PRRC2C: variants seen among roughly 807,000 people sequenced by gnomAD.
PRRC2C encodes the protein protein PRRC2C.
Under a neutral mutation model 317.2 loss-of-function variants are expected in PRRC2C, and 72 were observed. The ratio of observed to expected loss-of-function variants is 0.23; its 90% CI spans 0.19 to 0.28. The LOEUF (loss-of-function observed/expected upper bound fraction) is 0.28, where lower values mean the gene tolerates loss of function less well. Among genes scored for constraint, PRRC2C ranks in the 10% least tolerant of loss-of-function variants. The probability of loss-of-function intolerance (pLI) is 1.00; values close to 1 mark genes in which losing one functional copy is unlikely to be tolerated. For missense variants in PRRC2C, 3,074 were observed against 3,459.7 expected, an observed-to-expected ratio of 0.89 and a Z score of 2.80; for synonymous variants, 1,296 against 1,205.9, an observed-to-expected ratio of 1.07 and a Z score of -1.55.
chr1:171,521,927 TTAATA>T (rs1170691824), intron 6 of PRRC2C, among the ~76,000 whole-genome samples: 2 of 152,210 alleles, frequency 1.3e-5, no homozygotes, highest in Non-Finnish European at 2.9e-5. Flanking sequence ...TGTAATTTTA[TTAATA>T]TAATACAGAA....
At chr1:171,573,125 T>C (rs917491289) in intron 24 of PRRC2C, among the ~76,000 whole-genome samples, 2 of 152,240 alleles carry the variant, frequency 1.3e-5, no homozygotes, top group African/African-American at 4.8e-5. Flanking sequence ...GATTATACAT[T>C]GTTGGGCTTA....
At chr1:171,566,489 T>A in intron 21 of PRRC2C, 68 bp downstream of exon 21, 1 of 1,486,658 alleles carries the variant, frequency 6.7e-7, no homozygotes, top group Admixed American at 2.5e-5. Flanking sequence ...AATAATACTT[T>A]TAAAAGTGAA....
intron 16 of PRRC2C, among the ~76,000 whole-genome samples, chr1:171,545,204 A>T (rs1463331262): frequency 6.6e-6 from 1 of 152,232 alleles, no homozygotes; most frequent in Non-Finnish European, 1.5e-5. Flanking sequence ...TTATAATATG[A>T]TAGACAAATA....
At chr1:171,501,397 CTGGCATT>C (rs1382601818) in intron 1 of PRRC2C, among the ~76,000 whole-genome samples, 3 of 152,196 alleles carry the variant, frequency 2.0e-5, no homozygotes, top group Non-Finnish European at 4.4e-5. Context: ...TCCCAAAGTG[CTGGCATT>C]ACAGATGTGA....
At chr1:171,497,973 C>A (rs962588790) in intron 1 of PRRC2C, among the ~76,000 whole-genome samples, 1 of 130,184 alleles carries the variant, frequency 7.7e-6, no homozygotes, top group Non-Finnish European at 1.6e-5. Context: ...AGCCACCATA[C>A]CCAGCTAATT....
At chr1:171,500,490 C>G (rs1261817888) in intron 1 of PRRC2C, among the ~76,000 whole-genome samples, 1 of 152,116 alleles carries the variant, frequency 6.6e-6, no homozygotes. Context: ...CCCTGAACTT[C>G]TGCTGAGGCT....
chr1:171,583,508 C>T lies in PRRC2C; in HGVS notation c.7410-448C>T, dbSNP rs140487117. 4.2e-3 allele frequency among the ~76,000 whole-genome samples: 642 copies of T among 152,098 alleles called. 1 individual carries two copies. Among genetic ancestry groups the T allele is most frequent in the Middle Eastern group, 0.014 (4 of 294 alleles). On this transcript the variant is annotated intron_variant, in intron 28 of 34. Transcript: ENST00000647382. The stretch of plus-strand genomic sequence containing the variant: ...TAACAATGCCTTCTTCTGGAATACC[C>T]GCTAAAGGATCTACCTGAAGCTGTT...
chr1:171,520,261 C>G (rs1178412381), intron 6 of PRRC2C, among the ~76,000 whole-genome samples: 24 of 152,180 alleles, frequency 1.6e-4, no homozygotes, highest in Non-Finnish European at 1.5e-5. Context: ...CCGTGCCTGG[C>G]CATTAAACGT....
intron 5 of PRRC2C, 122 bp downstream of exon 5, chr1:171,515,981 T>C (rs1672277151): frequency 7.6e-6 from 8 of 1,052,784 alleles, no homozygotes; most frequent in Non-Finnish European, 1.0e-5. Context: ...CTTTGTACTA[T>C]AGTCACTTGC....
intron 18 of PRRC2C, among the ~76,000 whole-genome samples, chr1:171,554,387 A>G (rs1179763749): frequency 6.6e-6 from 1 of 152,166 alleles, no homozygotes; most frequent in African/African-American, 2.4e-5. Flanking sequence ...GGTCTCCTGA[A>G]TACAGCACAT....
intron 11 of PRRC2C, among the ~76,000 whole-genome samples, chr1:171,530,894 G>A (rs953062586): frequency 2.0e-5 from 3 of 152,134 alleles, no homozygotes; most frequent in African/African-American, 7.2e-5. Context: ...ACTTGTAGCT[G>A]TTTATCCAAC....
At chr1:171,580,230 G>A (rs1648205949) in intron 28 of PRRC2C, among the ~76,000 whole-genome samples, 1 of 152,214 alleles carries the variant, frequency 6.6e-6, no homozygotes, top group East Asian at 1.9e-4. Context: ...ATTATAGAAA[G>A]TAGCTGCTAA....
At chr1:171,523,075 T>C in intron 7 of PRRC2C, 146 bp from the exon 8 acceptor site, 1 of 684,370 alleles carries the variant, frequency 1.5e-6, no homozygotes, top group Non-Finnish European at 2.3e-6. Context: ...TATTAATTTT[T>C]TCATACACAT....
chr1:171,591,555 G>A (rs771436655), intron 34 of PRRC2C, 32 bp from the exon 35 acceptor site: 2 of 1,601,558 alleles, frequency 1.2e-6, no homozygotes, highest in South Asian at 1.1e-5. Context: ...TAATGCTGCA[G>A]TATTTTCAGT....
At chr1:171,508,238 C>T (rs535123015) in intron 1 of PRRC2C, among the ~76,000 whole-genome samples, 4 of 152,198 alleles carry the variant, frequency 2.6e-5, no homozygotes, top group African/African-American at 7.2e-5. Context: ...AGGAAAAAGC[C>T]TTCAGGTTTT....
rs540268099 is a variant in PRRC2C, at chr1:171,503,395, G to A, written c.-57-8637G>A. Among the ~76,000 whole-genome samples, 8 of 152,046 alleles carry A rather than the reference G, an allele frequency of 5.3e-5. No homozygotes were observed. The East Asian group carries it at 7.8e-4, about 15-fold the overall frequency. ...AAAAATTAGCTGGGCGTGGTGGCAC[G>A]TGCCTGTAGTCCCAGCTACTTGGGA... On this transcript the variant is annotated intron_variant, in intron 1 of 34. Coordinates refer to ENST00000647382, the MANE Select transcript of PRRC2C (RefSeq NM_001387844.1).
rs1196371790 is a variant in PRRC2C, at chr1:171,566,272, A to G, written c.6157A>G (p.Thr2053Ala). The G allele has an allele frequency of 6.2e-7, 1 of 1,611,774 alleles. No individual in the cohort carries two copies. Among genetic ancestry groups the G allele is most frequent in the Non-Finnish European group, 8.5e-7 (1 of 1,179,006 alleles). Residue 2053 changes from threonine to alanine, a missense_variant, in exon 21 of 35, where the codon ACT (threonine) becomes GCT (alanine). This residue lies in a region of PRRC2C where 640 missense variants were observed against 676.1 expected (regional missense o/e 0.95). Coordinates refer to ENST00000647382, the MANE Select transcript of PRRC2C (RefSeq NM_001387844.1). Reference protein sequence around the residue: ...NGQESGLEIGTDTIQFGAPAS... With the variant: ...NGQESGLEIGADTIQFGAPAS... ...TCAAGAAAGTGGACTCGAAATTGGA[A>G]CTGACACAATTCAGTTTGGTGCTCC...
chr1:171,511,454 C>G (rs1423247290), intron 1 of PRRC2C: 1 of 152,104 alleles, frequency 6.6e-6, no homozygotes, highest in Non-Finnish European at 1.5e-5. Flanking sequence ...AAAATGGATA[C>G]TATTTTTTGA....
At chr1:171,543,091 G>A (rs1678290436) in intron 16 of PRRC2C, among the ~76,000 whole-genome samples, 1 of 150,132 alleles carries the variant, frequency 6.7e-6, no homozygotes, top group African/African-American at 2.4e-5. Context: ...TTCAGATGTT[G>A]GGCCTGGTGC....
Sources: gnomAD v4.1 joint callset for allele counts (sites outside exome capture counted in the v4.1 genomes callset) on GRCh38, gnomAD v4.1.1 for gene constraint, gnomAD v4.1.1 regional missense constraint, MANE v1.5 for transcripts, NCBI Gene and HGNC (gene_info 2026-07-23, HGNC 2026-07-21) for gene names.